Variants in IGSF11 observed in about 807,000 individuals in gnomAD.
The protein encoded by IGSF11 is CXADR like 1.
In IGSF11, 22 loss-of-function variants were observed where a neutral mutation model predicts 41.0. The observed-to-expected ratio is 0.54, with a 90% CI of 0.38 to 0.77. The LOEUF (loss-of-function observed/expected upper bound fraction) is 0.77, where lower values mean the gene tolerates loss of function less well. IGSF11 is among the 30% of genes least tolerant of loss of function. The pLI is 0.00. For missense variants in IGSF11, 444 were observed against 530.8 expected (o/e 0.84, Z 1.61); for synonymous variants, 219 against 201.3 (o/e 1.09, Z -0.74).
At chr3:118,961,478 T>C (rs1945328716) in intron 1 of IGSF11, among the ~76,000 whole-genome samples, 1 of 152,222 alleles carries the variant, frequency 6.6e-6, no homozygotes, top group Non-Finnish European at 1.5e-5. Context: ...TAAAGGAAAA[T>C]TTGTTTAAAA....
chr3:119,062,349 G>C (rs1942081721), intron 1 of IGSF11, among the ~76,000 whole-genome samples: 1 of 152,102 alleles, frequency 6.6e-6, no homozygotes, highest in Non-Finnish European at 1.5e-5. Flanking sequence ...CCTCTGTATA[G>C]ATCTTTGAAA....
intron 1 of IGSF11, among the ~76,000 whole-genome samples, chr3:119,123,042 C>T (rs2107531362): frequency 6.6e-6 from 1 of 152,270 alleles, no homozygotes; most frequent in African/African-American, 2.4e-5. Flanking sequence ...CAGTTGGGCT[C>T]TTAAGAATCC....
rs1180518834 is a variant in IGSF11 at position 118,930,249 on chromosome 3, C to T, written c.79G>A (p.Glu27Lys). ...HGVAASLEVS[E>K]SPGSIQVARG... is the part of the protein sequence containing the mutation. ...GCCACCTGGATACTCCCAGGGCTCT[C>T]TGACACTTCCAGGGATGCTGCAACA... The change falls in exon 2 of 7, where the codon GAG (glutamate) becomes AAG (lysine). Residue 27 changes from glutamate (E) to lysine (K), a missense_variant. Physicochemically the swap from Glu to Lys is moderately conservative, Grantham distance 56 (BLOSUM62 1). Transcript: ENST00000393775. The T allele has an allele frequency of 6.2e-7, 1 of 1,613,540 alleles. No individual in the cohort carries two copies. Among genetic ancestry groups the T allele is most frequent in the Admixed American group, 1.7e-5 (1 of 59,968 alleles).
chr3:119,140,047 A>G (rs1289383243), intron 1 of IGSF11, among the ~76,000 whole-genome samples: 2 of 152,280 alleles, frequency 1.3e-5, no homozygotes, highest in Non-Finnish European at 2.9e-5. Flanking sequence ...TTTAAAAGGT[A>G]CACTAGGAAA....
chr3:119,121,292 AG>A (rs556157244), intron 1 of IGSF11, among the ~76,000 whole-genome samples: 159 of 152,330 alleles, frequency 1.0e-3, no homozygotes, highest in African/African-American at 3.8e-3. Flanking sequence ...AAAGAGGTAA[AG>A]GAACCATGAG....
intron 1 of IGSF11, among the ~76,000 whole-genome samples, chr3:118,988,036 G>A (rs1177296291): frequency 6.6e-6 from 1 of 152,152 alleles, no homozygotes; most frequent in Non-Finnish European, 1.5e-5. Flanking sequence ...GCTAAACAAA[G>A]GTCTGAAGCA....
chr3:119,011,883 A>G (rs1439679402), intron 1 of IGSF11, among the ~76,000 whole-genome samples: 1 of 152,368 alleles, frequency 6.6e-6, no homozygotes, highest in South Asian at 2.1e-4. Flanking sequence ...CTCTAAAAAA[A>G]GGCTAAGAAA....
chr3:118,973,869 C>T (rs147014501), intron 1 of IGSF11, among the ~76,000 whole-genome samples: 144 of 152,202 alleles, frequency 9.5e-4, no homozygotes, highest in African/African-American at 3.2e-3. Context: ...CCAAACACCG[C>T]GTGTTCTCAC....
chr3:118,956,867 T>C (rs967864545), intron 1 of IGSF11, among the ~76,000 whole-genome samples: 1 of 152,206 alleles, frequency 6.6e-6, no homozygotes, highest in South Asian at 2.1e-4. Flanking sequence ...CAGGGTTGCC[T>C]TAAACCTTCA....
chr3:119,107,030 T>A (rs1475753900), upstream of IGSF11, among the ~76,000 whole-genome samples: 4 of 152,200 alleles, frequency 2.6e-5, no homozygotes. Context: ...CTATTGTAAA[T>A]AGTGCCACAA....
At chr3:119,086,133 C>A (rs2076668815) in intron 1 of IGSF11, among the ~76,000 whole-genome samples, 1 of 152,162 alleles carries the variant, frequency 6.6e-6, no homozygotes, top group South Asian at 2.1e-4. Flanking sequence ...ATGTTCCCTG[C>A]CTCTGGACCC....
intron 1 of IGSF11, among the ~76,000 whole-genome samples, chr3:119,083,042 T>C (rs1236916797): frequency 6.6e-6 from 1 of 152,094 alleles, no homozygotes. Flanking sequence ...TATAGCACCA[T>C]AAGCTGTGGG....
At chr3:118,935,096 C>T (rs1033072961) in intron 1 of IGSF11, among the ~76,000 whole-genome samples, 1 of 151,720 alleles carries the variant, frequency 6.6e-6, no homozygotes, top group East Asian at 1.9e-4. Flanking sequence ...TTTAATCATA[C>T]CTTGCGATTA....
chr3:118,936,112 A>T (rs977825125), intron 1 of IGSF11, among the ~76,000 whole-genome samples: 1 of 152,078 alleles, frequency 6.6e-6, no homozygotes, highest in Non-Finnish European at 1.5e-5. Flanking sequence ...AATTTTTTCT[A>T]TCCTATTAAA....
chr3:118,958,509 CT>C (rs1016694894), intron 1 of IGSF11, among the ~76,000 whole-genome samples: 25 of 152,138 alleles, frequency 1.6e-4, no homozygotes, highest in African/African-American at 5.8e-4. Flanking sequence ...TAGTCTCCAA[CT>C]TTCCCTAGTC....
intron 1 of IGSF11, among the ~76,000 whole-genome samples, chr3:119,016,429 T>A (rs1388954447): frequency 6.6e-6 from 1 of 152,128 alleles, no homozygotes; most frequent in Non-Finnish European, 1.5e-5. Flanking sequence ...TTAAAAAAAA[T>A]CTTTAGAAAT....
At chr3:119,047,025 C>A (rs533812993) in intron 1 of IGSF11, among the ~76,000 whole-genome samples, 2 of 145,842 alleles carry the variant, frequency 1.4e-5, no homozygotes, top group African/African-American at 5.1e-5. Context: ...ACAACCGGTA[C>A]CAGCCGCTGC....
At chr3:119,030,675 C>T (rs1940310234) in intron 1 of IGSF11, among the ~76,000 whole-genome samples, 1 of 152,090 alleles carries the variant, frequency 6.6e-6, no homozygotes, top group South Asian at 2.1e-4. Flanking sequence ...ACCCAAGAAC[C>T]AACAACCTCT....
chr3:119,103,941 G>T (rs926874571), intron 1 of IGSF11, among the ~76,000 whole-genome samples: 1 of 152,094 alleles, frequency 6.6e-6, no homozygotes, highest in African/African-American at 2.4e-5. Flanking sequence ...TCTTGGTAAT[G>T]CCCCCTCATA....
Sources: gnomAD v4.1 joint callset for allele counts (sites outside exome capture counted in the v4.1 genomes callset) on GRCh38, gnomAD v4.1.1 for gene constraint, MANE v1.5 for transcripts, NCBI Gene and HGNC (gene_info 2026-07-23, HGNC 2026-07-21) for gene names.